Variants in ATXN10 observed in about 807,000 individuals in gnomAD.
ATXN10 encodes ataxin 10.
In ATXN10, 28 loss-of-function variants were observed where a neutral mutation model predicts 52.9. That is an observed-to-expected ratio of 0.53 (90% CI 0.39 to 0.73). The LOEUF (loss-of-function observed/expected upper bound fraction) is 0.73, where lower values mean the gene tolerates loss of function less well. Among genes scored for constraint, ATXN10 ranks in the 30% least tolerant of loss-of-function variants. The probability of loss-of-function intolerance (pLI) is 0.00; values close to 1 mark genes in which losing one functional copy is unlikely to be tolerated. For synonymous variants in ATXN10, 226 were observed against 221.5 expected (o/e 1.02, Z -0.18); for missense variants, 565 against 577.0 (o/e 0.98, Z 0.21).
At chr22:45,771,066 T>G (rs2146840890) in intron 9 of ATXN10, among the ~76,000 whole-genome samples, 1 of 152,186 alleles carries the variant, frequency 6.6e-6, no homozygotes, top group East Asian at 1.9e-4. Context: ...AAACATACTG[T>G]CACAAAACCC....
chr22:45,689,564 C>A, intron 1 of ATXN10, 148 bp from the exon 2 acceptor site: 1 of 669,126 alleles, frequency 1.5e-6, no homozygotes, highest in Non-Finnish European at 2.6e-6. Flanking sequence ...ATGTGTAGAT[C>A]TTTTATTTGG....
At chr22:45,675,242 G>C (rs4823320) in intron 1 of ATXN10, 2 of 152,184 alleles carry the variant, frequency 1.3e-5, no homozygotes, top group African/African-American at 4.8e-5. Flanking sequence ...CGGAGAAGGG[G>C]ATCTCAGGAT....
chr22:45,740,814 C>G (rs1925503845), intron 9 of ATXN10: 1 of 194,078 alleles, frequency 5.2e-6, no homozygotes, highest in Non-Finnish European at 1.0e-5. Flanking sequence ...AAATTTCTAA[C>G]ACACAGTAGA....
rs926318355 is a variant in ATXN10, at chr22:45,770,348, C to G, written c.1173+29810C>G. Among the ~76,000 whole-genome samples the G allele has an allele frequency of 1.3e-5, 2 of 152,062 alleles. No homozygotes were observed. The highest frequency in any genetic ancestry group is 2.9e-5 in the Non-Finnish European group (2 of 68,024). The stretch of plus-strand genomic sequence containing the variant: ...TTTAAAATGAGACAGGATGAGGACA[C>G]ATTGTAATAAGTACTGTCGCTGGTT... On this transcript the variant is annotated intron_variant, in intron 9 of 11. Transcript: ENST00000252934. This position sits in a 1 kb window ranked among gnomAD's most constrained non-coding sequence, Gnocchi z 4.5.
chr22:45,777,583 C>G (rs562791334), intron 9 of ATXN10, among the ~76,000 whole-genome samples: 1 of 152,310 alleles, frequency 6.6e-6, no homozygotes, highest in Non-Finnish European at 1.5e-5. Flanking sequence ...AGGCTGTTTT[C>G]CTTATGAGAA....
Position 45,823,137 on chromosome 22 carries a change from A to G in ATXN10, c.1237+16115A>G, listed in dbSNP as rs749336800. On this transcript the variant is annotated intron_variant, in intron 10 of 11. Coordinates refer to ENST00000252934, the MANE Select transcript of ATXN10 (RefSeq NM_013236.4). This position sits in a 1 kb window ranked among gnomAD's most constrained non-coding sequence, Gnocchi z 4.9. Reference sequence around the variant, plus strand: ...GTACAGATGTATGTACGCATCACCCAGATGGAAATACAGAACATGCCCATC... The same window carrying G: ...GTACAGATGTATGTACGCATCACCCGGATGGAAATACAGAACATGCCCATC... The G allele has an allele frequency of 6.4e-6, 3 of 471,666 alleles. No individual in the cohort carries two copies. The highest frequency in any genetic ancestry group is 2.3e-5 in the Admixed American group (1 of 42,562). 29.2% of individuals were successfully genotyped at this position (471,666 alleles called of 1,614,324 possible).
intron 10 of ATXN10, among the ~76,000 whole-genome samples, chr22:45,838,461 C>T (rs1223372341): frequency 6.6e-6 from 1 of 152,218 alleles, no homozygotes; most frequent in Admixed American, 6.5e-5. Context: ...CAAACAGGCT[C>T]ATGCCTTCTA....
rs937061442 is a variant in ATXN10, at chr22:45,786,257, G to A, written c.1174-20702G>A. Reference sequence around the variant, plus strand: ...CCTCTGCCATTACTATTCTTGAAAAGCATCTTTATTTTGTCACAAAAGCTT... The same window carrying A: ...CCTCTGCCATTACTATTCTTGAAAAACATCTTTATTTTGTCACAAAAGCTT... On this transcript the variant is annotated intron_variant, in intron 9 of 11. Coordinates refer to ENST00000252934, the MANE Select transcript of ATXN10 (RefSeq NM_013236.4). This position sits in a 1 kb window ranked among gnomAD's most constrained non-coding sequence, Gnocchi z 4.1. 2.0e-5 allele frequency among the ~76,000 whole-genome samples: 3 copies of A among 152,152 alleles called. No homozygotes were observed. The highest frequency in any genetic ancestry group is 4.4e-5 in the Non-Finnish European group (3 of 68,026).
intron 7 of ATXN10, among the ~76,000 whole-genome samples, chr22:45,730,115 G>A (rs970383893): frequency 7.9e-5 from 12 of 152,102 alleles, no homozygotes; most frequent in Admixed American, 3.3e-4. Context: ...AGGCCAAGGC[G>A]GGAGGATCGC....
intron 4 of ATXN10, among the ~76,000 whole-genome samples, chr22:45,700,935 T>C (rs554307751): frequency 1.3e-5 from 2 of 152,332 alleles, no homozygotes; most frequent in African/African-American, 4.8e-5. Flanking sequence ...ACCATTCCAT[T>C]TGTCTCGATT....
At chr22:45,700,527 G>A (rs1923802151) in intron 4 of ATXN10, 149 bp downstream of exon 4, 3 of 695,376 alleles carry the variant, frequency 4.3e-6, no homozygotes, top group Non-Finnish European at 5.1e-6. Flanking sequence ...TACCAGCTGG[G>A]AGAGGGCACT....
chr22:45,697,164 T>C (rs901914390), intron 3 of ATXN10, among the ~76,000 whole-genome samples: 1 of 152,174 alleles, frequency 6.6e-6, no homozygotes, highest in African/African-American at 2.4e-5. Flanking sequence ...AGACGGAGTT[T>C]GCTCTCGTTG....
chr22:45,682,323 G>GT (rs941492980), intron 1 of ATXN10, among the ~76,000 whole-genome samples: 2,397 of 145,280 alleles, frequency 0.016, 18 homozygotes, highest in Non-Finnish European at 0.024. Flanking sequence ...GGACTTCTTT[G>GT]TTTTTTTTTT....
Position 45,770,902 on chromosome 22 carries a change from A to G in ATXN10, c.1173+30364A>G, listed in dbSNP as rs1310543549. ...CTTTTCAGGAAGTGCTCACTTGGAGAGAGAGGACAGAGCCACAGAGCCTTC... is the reference window on the plus strand; with the variant it reads ...CTTTTCAGGAAGTGCTCACTTGGAGGGAGAGGACAGAGCCACAGAGCCTTC... On this transcript the variant is annotated intron_variant, in intron 9 of 11. Transcript: ENST00000252934. The surrounding 1 kb of genome is among the most constrained non-coding windows in gnomAD (Gnocchi z 4.5). 6.6e-6 allele frequency among the ~76,000 whole-genome samples: 1 copy of G among 152,148 alleles called. No homozygotes were observed. Among genetic ancestry groups the G allele is most frequent in the African/African-American group, 2.4e-5 (1 of 41,422 alleles).
rs1927322215 is a variant in ATXN10, at chr22:45,786,338, C to G, written c.1174-20621C>G. Among the ~76,000 whole-genome samples, 1 of 152,228 alleles carries G rather than the reference C, an allele frequency of 6.6e-6. No individual in the cohort carries two copies. The highest frequency in any genetic ancestry group is 2.4e-5 in the African/African-American group (1 of 41,462). On this transcript the variant is annotated intron_variant, in intron 9 of 11. Coordinates refer to ENST00000252934, the MANE Select transcript of ATXN10 (RefSeq NM_013236.4). The surrounding 1 kb of genome is among the most constrained non-coding windows in gnomAD (Gnocchi z 4.1). ...GAGTTTTGCCATAGAACTGTAGTAT[C>G]ATTCTCTCTGGATTCCTTTCTTTTT...
rs904214422 is a variant in ATXN10 at position 45,793,520 on chromosome 22, C to A, written c.1174-13439C>A. ...CTTCTGCTATTCTGAATTCACGATT[C>A]TCTTTAACAAATAATTCTGTCAAGC... On this transcript the variant is annotated intron_variant, in intron 9 of 11. Transcript: ENST00000252934. 3.3e-6 allele frequency: 4 copies of A among 1,219,374 alleles called. No individual in the cohort carries two copies. The African/African-American group carries it at 6.2e-5, about 19-fold the overall frequency. 75.5% of individuals were successfully genotyped at this position (1,219,374 alleles called of 1,614,324 possible). A position where few individuals can be genotyped will look rare whatever the true frequency, so the allele number is the denominator to read the frequency against.
At chr22:45,779,270 A>G (rs927248886) in intron 9 of ATXN10, among the ~76,000 whole-genome samples, 7 of 152,210 alleles carry the variant, frequency 4.6e-5, no homozygotes, top group African/African-American at 1.4e-4. Flanking sequence ...AATTTCTTCA[A>G]CTTCTTAATG....
At position 45,783,175 on chromosome 22, in the gene ATXN10, G is replaced by A. The variant is rs760439045; in HGVS notation, c.1174-23784G>A. 6.6e-6 allele frequency among the ~76,000 whole-genome samples: 1 copy of A among 152,146 alleles called. No individual in the cohort carries two copies. The highest frequency in any genetic ancestry group is 2.1e-4 in the South Asian group (1 of 4,826). On this transcript the variant is annotated intron_variant, in intron 9 of 11. Transcript: ENST00000252934. The surrounding 1 kb of genome is among the most constrained non-coding windows in gnomAD (Gnocchi z 5.0). Reference sequence around the variant, plus strand: ...GAGGTCATTGTTAAGTAAGATAAGGGTTCCATGAACACGAGCACTGTGATA... The same window carrying A: ...GAGGTCATTGTTAAGTAAGATAAGGATTCCATGAACACGAGCACTGTGATA...
chr22:45,700,450 T>G lies in ATXN10; in HGVS notation c.488+72T>G, dbSNP rs1923798020. On this transcript the variant is annotated intron_variant, in intron 4 of 11. Transcript: ENST00000252934. Reference sequence around the variant, plus strand: ...CTATATTTTTCCATTTTATATAAAGTTCGAAAACAGGAAAAAGTAACCCAC... The same window carrying G: ...CTATATTTTTCCATTTTATATAAAGGTCGAAAACAGGAAAAAGTAACCCAC... 1.1e-5 allele frequency: 14 copies of G among 1,290,322 alleles called. No homozygotes were observed. In the South Asian group the frequency reaches 1.3e-4, roughly 12 times the overall value. 79.9% of individuals were successfully genotyped at this position (1,290,322 alleles called of 1,614,324 possible). A position where few individuals can be genotyped will look rare whatever the true frequency, so the allele number is the denominator to read the frequency against.
Sources: gnomAD v4.1 joint callset for allele counts (sites outside exome capture counted in the v4.1 genomes callset) on GRCh38, gnomAD v4.1.1 for gene constraint, Gnocchi (gnomAD v3.1) non-coding constraint, MANE v1.5 for transcripts, NCBI Gene and HGNC (gene_info 2026-07-23, HGNC 2026-07-21) for gene names.